The following ARRDC5 variants were observed in gnomAD, a reference collection of about 807,000 sequenced individuals.
ARRDC5 encodes arrestin domain containing 5.
A neutral mutation model predicts 13.3 loss-of-function variants in ARRDC5; 12 were observed. The observed-to-expected ratio is 0.90, with a 90% CI of 0.58 to 1.46. ARRDC5 has a LOEUF of 1.46. Among genes scored for constraint, ARRDC5 ranks in the 40% most tolerant of loss-of-function variants. ARRDC5 has a pLI of 0.00. For synonymous variants in ARRDC5, 181 were observed against 173.4 expected (o/e 1.04, Z -0.34); for missense variants, 406 against 418.7 (o/e 0.97, Z 0.26).
intron 2 of ARRDC5, among the ~76,000 whole-genome samples, chr19:4,895,302 C>T (rs2031671144): frequency 1.3e-5 from 2 of 150,628 alleles, no homozygotes; most frequent in South Asian, 4.2e-4. Context: ...GGGTACTTCT[C>T]ATCCCAGCTA....
At chr19:4,904,294 T>A (rs552116644), upstream of ARRDC5, among the ~76,000 whole-genome samples, 1 of 152,252 alleles carries the variant, frequency 6.6e-6, no homozygotes, top group East Asian at 1.9e-4. Context: ...TTCTCCTGCC[T>A]CAGCTTCCCG....
intron 2 of ARRDC5, among the ~76,000 whole-genome samples, chr19:4,896,021 A>T (rs2031697315): frequency 6.6e-6 from 1 of 151,958 alleles, no homozygotes; most frequent in Non-Finnish European, 1.5e-5. Flanking sequence ...TTTCTTTTCT[A>T]AAAAAAATGT....
upstream of ARRDC5, among the ~76,000 whole-genome samples, chr19:4,904,101 C>T (rs1412780452): frequency 6.6e-6 from 1 of 152,134 alleles, no homozygotes; most frequent in Non-Finnish European, 1.5e-5. Flanking sequence ...CTCAGCCTCC[C>T]AAGTAGCTGG....
At chr19:4,900,933 C>T (rs1356473072) in intron 1 of ARRDC5, among the ~76,000 whole-genome samples, 2 of 151,812 alleles carry the variant, frequency 1.3e-5, no homozygotes, top group Admixed American at 6.6e-5. Flanking sequence ...GCGGGACAAT[C>T]GGTTGAACCC....
intron 1 of ARRDC5, among the ~76,000 whole-genome samples, chr19:4,899,958 AG>A (rs2031863048): frequency 6.7e-6 from 1 of 149,562 alleles, no homozygotes; most frequent in East Asian, 2.0e-4. Flanking sequence ...AATAAATAAA[AG>A]AAAAGAAAAC....
chr19:4,896,936 C>A, intron 1 of ARRDC5, 60 bp from the exon 2 acceptor site: 2 of 943,324 alleles, frequency 2.1e-6, no homozygotes, highest in Non-Finnish European at 3.1e-6. Context: ...CCTTCTTCTT[C>A]TTTTTTTTTT....
At chr19:4,916,093 A>T in the ARRDC5 span, among the ~76,000 whole-genome samples, 1 of 151,914 alleles carries the variant, frequency 6.6e-6, no homozygotes, top group African/African-American at 2.4e-5. Flanking sequence ...GGATCGCTTG[A>T]GGTTGGGAGT....
upstream of ARRDC5, among the ~76,000 whole-genome samples, chr19:4,904,661 C>G (rs1047597713): frequency 6.6e-6 from 1 of 152,194 alleles, no homozygotes; most frequent in Non-Finnish European, 1.5e-5. Flanking sequence ...GATGGGAAGT[C>G]CCTCCAGGGT....
upstream of ARRDC5, among the ~76,000 whole-genome samples, chr19:4,905,085 C>G (rs2032037318): frequency 6.7e-6 from 1 of 150,098 alleles, no homozygotes; most frequent in Non-Finnish European, 1.5e-5. Context: ...TGGAATATGG[C>G]TCAACACAAA....
chr19:4,900,858 A>G (rs1288103687), intron 1 of ARRDC5, among the ~76,000 whole-genome samples: 1 of 152,062 alleles, frequency 6.6e-6, no homozygotes, highest in Non-Finnish European at 1.5e-5. Context: ...CGTCTCTACT[A>G]AAAATACAAA....
At chr19:4,910,690 C>G in the ARRDC5 span, 1 of 507,092 alleles carries the variant, frequency 2.0e-6, no homozygotes, top group East Asian at 3.3e-5. Context: ...TCGTTAATGC[C>G]TTAAGTGCTT....
the ARRDC5 span, chr19:4,909,656 GT>G: frequency 1.8e-6 from 1 of 542,464 alleles, no homozygotes; most frequent in Non-Finnish European, 3.2e-6. Flanking sequence ...GACCGGAGAG[GT>G]GAGCGGGCGG....
intron 1 of ARRDC5, among the ~76,000 whole-genome samples, chr19:4,901,614 A>C (rs991342351): frequency 6.6e-6 from 1 of 152,172 alleles, no homozygotes; most frequent in African/African-American, 2.4e-5. Context: ...ACTGTGTCTC[A>C]AAAAATAGAT....
the ARRDC5 span, among the ~76,000 whole-genome samples, chr19:4,912,578 G>A: frequency 2.0e-5 from 3 of 152,008 alleles, no homozygotes; most frequent in African/African-American, 7.3e-5. Flanking sequence ...TTTCACCATC[G>A]GTATTCTGAC....
chr19:4,915,667 A>C, the ARRDC5 span, among the ~76,000 whole-genome samples: 20 of 152,042 alleles, frequency 1.3e-4, 1 homozygote, highest in Admixed American at 5.2e-4. Context: ...CTGAGATCCC[A>C]CCACTGCACT....
intron 2 of ARRDC5, among the ~76,000 whole-genome samples, chr19:4,894,534 A>T (rs1399649338): frequency 8.3e-6 from 1 of 119,914 alleles, no homozygotes. Flanking sequence ...AAAAAAAAAA[A>T]TTAGCCGGGC....
chr19:4,898,560 C>T (rs1373375751), intron 1 of ARRDC5, among the ~76,000 whole-genome samples: 3 of 152,002 alleles, frequency 2.0e-5, no homozygotes, highest in African/African-American at 7.2e-5. Context: ...TGGGGTTTCA[C>T]CATGTTGGCC....
At chr19:4,900,445 G>C (rs928783484) in intron 1 of ARRDC5, among the ~76,000 whole-genome samples, 5 of 152,060 alleles carry the variant, frequency 3.3e-5, no homozygotes, top group African/African-American at 1.2e-4. Flanking sequence ...AGCATTTACT[G>C]TATACCTGGC....
At chr19:4,911,627 C>T in the ARRDC5 span, among the ~76,000 whole-genome samples, 1 of 152,158 alleles carries the variant, frequency 6.6e-6, no homozygotes, top group Non-Finnish European at 1.5e-5. Context: ...GTCCACCGAC[C>T]CTCGTCTCTT....
Sources: allele counts gnomAD v4.1 joint callset (sites outside exome capture counted in the v4.1 genomes callset), GRCh38; gene constraint gnomAD v4.1.1; transcripts MANE v1.5; gene names NCBI Gene and HGNC (gene_info 2026-07-23, HGNC 2026-07-21).